The following HEMK2 variants were observed in gnomAD, a reference collection of about 807,000 sequenced individuals.
HEMK2 encodes the protein HemK methyltransferase 2, ETF1 glutamine and histone H4 lysine, also known as methyltransferase HEMK2.
chr21:28,837,581 C>T, the HEMK2 span, among the ~76,000 whole-genome samples: 30 of 152,180 alleles, frequency 2.0e-4, no homozygotes, highest in Admixed American at 9.8e-4. Flanking sequence ...TAAACACGTA[C>T]ATCAAAAAGA....
At chr21:28,806,436 C>CA in the HEMK2 span, among the ~76,000 whole-genome samples, 78 of 151,838 alleles carry the variant, frequency 5.1e-4, no homozygotes, top group Admixed American at 2.1e-3. Flanking sequence ...TGTGCTCTCT[C>CA]AAAAAAAATA....
At chr21:28,830,544 C>T in the HEMK2 span, among the ~76,000 whole-genome samples, 1 of 152,140 alleles carries the variant, frequency 6.6e-6, no homozygotes, top group African/African-American at 2.4e-5. Flanking sequence ...TGAGAACAGA[C>T]TCTACAATAT....
chr21:28,837,535 C>A, the HEMK2 span, among the ~76,000 whole-genome samples: 1 of 152,086 alleles, frequency 6.6e-6, no homozygotes, highest in Non-Finnish European at 1.5e-5. Flanking sequence ...CTCTGGGATA[C>A]AGCAAAGGCA....
chr21:28,856,133 G>A, the HEMK2 span, among the ~76,000 whole-genome samples: 3 of 151,756 alleles, frequency 2.0e-5, no homozygotes, highest in African/African-American at 7.3e-5. Flanking sequence ...AGTTATTTTG[G>A]GCTGGGCACA....
At chr21:28,723,144 C>T in the HEMK2 span, among the ~76,000 whole-genome samples, 11 of 152,226 alleles carry the variant, frequency 7.2e-5, no homozygotes, top group East Asian at 1.5e-3. Flanking sequence ...AAGTAGCTGG[C>T]GCCTACAGTT....
chr21:28,780,819 C>A, the HEMK2 span, among the ~76,000 whole-genome samples: 1 of 152,100 alleles, frequency 6.6e-6, no homozygotes, highest in African/African-American at 2.4e-5. Context: ...TTTATTTCAA[C>A]CCCCCCTCCT....
At chr21:28,704,900 CTGA>C in the HEMK2 span, among the ~76,000 whole-genome samples, 2 of 152,222 alleles carry the variant, frequency 1.3e-5, no homozygotes, top group African/African-American at 4.8e-5. Context: ...GCAGCAAGCA[CTGA>C]TGTTTTCCTG....
chr21:28,706,264 A>T, the HEMK2 span, among the ~76,000 whole-genome samples: 24 of 152,236 alleles, frequency 1.6e-4, no homozygotes, highest in Non-Finnish European at 2.5e-4. Flanking sequence ...TTGAGCATTC[A>T]GAAGTAGACA....
the HEMK2 span, among the ~76,000 whole-genome samples, chr21:28,670,325 T>C: frequency 1.3e-5 from 2 of 152,216 alleles, no homozygotes; most frequent in Non-Finnish European, 2.9e-5. Context: ...ATATTCTTAG[T>C]TTTATTTTGT....
At chr21:28,790,728 T>C in the HEMK2 span, among the ~76,000 whole-genome samples, 11 of 151,144 alleles carry the variant, frequency 7.3e-5, no homozygotes, top group South Asian at 2.1e-3. Flanking sequence ...ATTTTGGAAA[T>C]AGTTTAAATG....
At chr21:28,811,720 G>C in the HEMK2 span, among the ~76,000 whole-genome samples, 1 of 152,066 alleles carries the variant, frequency 6.6e-6, no homozygotes, top group Admixed American at 6.6e-5. Context: ...TCTCTCACTA[G>C]GTTGTAGGTA....
At chr21:28,845,047 C>T in the HEMK2 span, among the ~76,000 whole-genome samples, 557 of 152,058 alleles carry the variant, frequency 3.7e-3, 2 homozygotes, top group African/African-American at 0.013. Flanking sequence ...ATACATTTTT[C>T]TACATTCAAT....
the HEMK2 span, among the ~76,000 whole-genome samples, chr21:28,602,905 C>T: frequency 5.3e-5 from 8 of 152,200 alleles, no homozygotes; most frequent in Non-Finnish European, 1.5e-5. Flanking sequence ...TCTCCTAGAC[C>T]TCCTTGTATC....
At chr21:28,863,412 A>G in the HEMK2 span, among the ~76,000 whole-genome samples, 1 of 20,240 alleles carries the variant, frequency 4.9e-5, no homozygotes, top group Non-Finnish European at 1.2e-4. Flanking sequence ...ACTCCCTTTT[A>G]TATATATATA....
At chr21:28,842,773 C>A in the HEMK2 span, among the ~76,000 whole-genome samples, 1 of 152,092 alleles carries the variant, frequency 6.6e-6, no homozygotes, top group African/African-American at 2.4e-5. Flanking sequence ...AATGATGAGA[C>A]AAAGGTAGAA....
At chr21:28,704,120 G>A in the HEMK2 span, among the ~76,000 whole-genome samples, 3 of 152,154 alleles carry the variant, frequency 2.0e-5, no homozygotes, top group Non-Finnish European at 4.4e-5. Context: ...TGGAGGTCAT[G>A]TTTCTAGCAC....
the HEMK2 span, among the ~76,000 whole-genome samples, chr21:28,760,206 T>A: frequency 1.3e-5 from 2 of 152,200 alleles, no homozygotes; most frequent in East Asian, 3.9e-4. Flanking sequence ...TCCCTGTAGA[T>A]GGATGAGATT....
At chr21:28,832,032 T>C in the HEMK2 span, among the ~76,000 whole-genome samples, 1 of 152,238 alleles carries the variant, frequency 6.6e-6, no homozygotes, top group Non-Finnish European at 1.5e-5. Flanking sequence ...ACAAGGAATG[T>C]ATATTTATGT....
the HEMK2 span, among the ~76,000 whole-genome samples, chr21:28,667,329 A>G: frequency 6.6e-6 from 1 of 152,164 alleles, no homozygotes; most frequent in Admixed American, 6.5e-5. Context: ...GTTAAAGTGA[A>G]ATGAGAAGCC....
Sources: allele counts gnomAD v4.1 joint callset (sites outside exome capture counted in the v4.1 genomes callset), GRCh38; gene constraint gnomAD v4.1.1; transcripts MANE v1.5; gene names NCBI Gene and HGNC (gene_info 2026-07-23, HGNC 2026-07-21).